Variants in APC observed in about 807,000 individuals in gnomAD.
APC encodes the protein adenomatous polyposis coli protein.
Under a neutral mutation model 247.0 loss-of-function variants are expected in APC, and 72 were observed. The ratio of observed to expected loss-of-function variants is 0.29; its 90% CI spans 0.24 to 0.35. The LOEUF is 0.35. Among genes scored for constraint, APC ranks in the 10% least tolerant of loss-of-function variants. The probability of loss-of-function intolerance (pLI) is 1.00; values close to 1 mark genes in which losing one functional copy is unlikely to be tolerated. For missense variants in APC, 3,400 were observed against 3,360.7 expected (o/e 1.01, Z -0.29); for synonymous variants, 1,254 against 1,162.5 (o/e 1.08, Z -1.60).
At chr5:112,772,003 T>A (rs868563330) in intron 4 of APC, among the ~76,000 whole-genome samples, 8 of 152,296 alleles carry the variant, frequency 5.3e-5, no homozygotes, top group African/African-American at 1.9e-4. Flanking sequence ...TAGATTTTTT[T>A]AAAGTCCTTA....
chr5:112,822,764 C>T (rs1382474968), intron 11 of APC, among the ~76,000 whole-genome samples: 1 of 152,160 alleles, frequency 6.6e-6, no homozygotes, highest in Non-Finnish European at 1.5e-5. Flanking sequence ...TAATTGTGCC[C>T]TTGCTTTTTG....
chr5:112,746,549 C>CA (rs1753704277), intron 1 of APC, among the ~76,000 whole-genome samples: 1 of 151,892 alleles, frequency 6.6e-6, no homozygotes, highest in Admixed American at 6.6e-5. Context: ...GAGGATAGGT[C>CA]AACATTCAAA....
intron 13 of APC, 116 bp from the exon 14 acceptor site, chr5:112,828,740 C>T (rs980304538): frequency 5.6e-5 from 42 of 748,628 alleles, no homozygotes; most frequent in Non-Finnish European, 8.3e-5. Flanking sequence ...TGAGTCACCA[C>T]GGCTAGCCAG....
chr5:112,815,461 A>G (rs1274089560), intron 8 of APC, 34 bp from the exon 9 acceptor site: 1 of 1,515,930 alleles, frequency 6.6e-7, no homozygotes, highest in African/African-American at 1.4e-5. Context: ...CCTATAGTCT[A>G]AATTATACCA....
rs1554088378 is a variant in APC at position 112,843,059 on chromosome 5, C to T, written c.7465C>T (p.Pro2489Ser). The T allele has an allele frequency of 6.2e-7, 1 of 1,613,940 alleles. No homozygotes were observed. The highest frequency in any genetic ancestry group is 2.2e-5 in the East Asian group (1 of 44,882). Reference sequence around the variant, plus strand: ...AACTCCAGTTTTAAGTCCTTCCCTTCCTGATATGTCTCTATCCACACATTC... The same window carrying T: ...AACTCCAGTTTTAAGTCCTTCCCTTTCTGATATGTCTCTATCCACACATTC... ...AQTPVLSPSLPDMSLSTHSSV... is the reference protein window; with the variant it reads ...AQTPVLSPSLSDMSLSTHSSV... The change falls in exon 16 of 16, where the codon CCT becomes TCT. Residue 2489 changes from proline to serine, a missense_variant. Physicochemically the swap from Pro to Ser is moderately conservative, Grantham distance 74 (BLOSUM62 -1). Transcript: ENST00000257430. The surrounding 1 kb of genome is among the most constrained non-coding windows in gnomAD (Gnocchi z 4.8).
intron 1 of APC, among the ~76,000 whole-genome samples, chr5:112,727,600 G>C (rs1268677604): frequency 6.6e-6 from 1 of 152,066 alleles, no homozygotes; most frequent in African/African-American, 2.4e-5. Context: ...GTTATAAACT[G>C]ATTTATCAGG....
Position 112,840,752 on chromosome 5 carries a change from G to A in APC, c.5158G>A (p.Glu1720Lys), listed in dbSNP as rs759882286. The change falls in exon 16 of 16, where the codon GAA becomes AAA. Residue 1720 changes from glutamate to lysine, a missense_variant. Physicochemically the swap from Glu to Lys is moderately conservative, Grantham distance 56 (BLOSUM62 1). Coordinates refer to ENST00000257430, the MANE Select transcript of APC (RefSeq NM_000038.6). This position sits in a 1 kb window ranked among gnomAD's most constrained non-coding sequence, Gnocchi z 4.1. The part of the protein sequence containing the change: ...IPELDDNKAE[E>K]GDILAECINS... ...TGAATTGGATGACAATAAAGCAGAG[G>A]AAGGTGATATTCTTGCAGAATGCAT... 5 of 1,614,078 alleles carry A rather than the reference G, an allele frequency of 3.1e-6. No individual in the cohort carries two copies. The South Asian group carries it at 5.5e-5, about 18-fold the overall frequency.
chr5:112,815,127 G>A (rs1035315736), intron 8 of APC, among the ~76,000 whole-genome samples: 24 of 152,228 alleles, frequency 1.6e-4, no homozygotes, highest in Non-Finnish European at 1.5e-4. Flanking sequence ...TTAGTTTTCT[G>A]GCAATTTGGA....
chr5:112,794,793 C>T (rs2149692208), intron 7 of APC, among the ~76,000 whole-genome samples: 1 of 152,320 alleles, frequency 6.6e-6, no homozygotes. Flanking sequence ...AAATTCCAGG[C>T]TTCCACATCC....
rs1732990972 is a variant in APC, at chr5:112,744,310, T to C, written c.-19+6385T>C. Among the ~76,000 whole-genome samples, 14 of 152,364 alleles carry C rather than the reference T, an allele frequency of 9.2e-5. No homozygotes were observed. In the South Asian group the frequency reaches 2.9e-3, roughly 32 times the overall value. On this transcript the variant is annotated intron_variant, in intron 1 of 15. Transcript: ENST00000257430. ...TTGGACATTCTCTGAACTTGTGCCC[T>C]CTCTTTCTGTTGTCTGCCCTCTGTG...
At chr5:112,716,619 C>T (rs1002935839) in intron 1 of APC, among the ~76,000 whole-genome samples, 2 of 152,004 alleles carry the variant, frequency 1.3e-5, no homozygotes, top group Admixed American at 6.5e-5. Context: ...TTTGTTTGCT[C>T]ATCAGTTACT....
At chr5:112,771,430 T>G (rs1757033935) in intron 4 of APC, among the ~76,000 whole-genome samples, 1 of 152,110 alleles carries the variant, frequency 6.6e-6, no homozygotes, top group African/African-American at 2.4e-5. Context: ...CCCATTTAGG[T>G]CTAATATGTT....
At chr5:112,782,001 T>C (rs1758402898) in intron 6 of APC, among the ~76,000 whole-genome samples, 1 of 152,216 alleles carries the variant, frequency 6.6e-6, no homozygotes, top group Non-Finnish European at 1.5e-5. Flanking sequence ...CCCAAAGTGC[T>C]AGGATTTAGA....
chr5:112,708,219 C>T (rs1051237604), intron 1 of APC, among the ~76,000 whole-genome samples: 1 of 152,192 alleles, frequency 6.6e-6, no homozygotes, highest in African/African-American at 2.4e-5. Context: ...CCATCTTCCT[C>T]GTTTGGACCC....
intron 14 of APC, among the ~76,000 whole-genome samples, chr5:112,831,555 C>T (rs1219507411): frequency 2.0e-5 from 3 of 151,886 alleles, no homozygotes; most frequent in African/African-American, 7.3e-5. Flanking sequence ...CTTTTTCATT[C>T]AATATCAATT....
At chr5:112,718,197 G>A (rs1029743905) in intron 1 of APC, among the ~76,000 whole-genome samples, 1 of 151,778 alleles carries the variant, frequency 6.6e-6, no homozygotes, top group African/African-American at 2.4e-5. Flanking sequence ...TTTTCAGTTT[G>A]TGTCTGATAA....
intron 14 of APC, among the ~76,000 whole-genome samples, chr5:112,834,358 C>T (rs1764638330): frequency 6.6e-6 from 1 of 151,532 alleles, no homozygotes; most frequent in African/African-American, 2.4e-5. Flanking sequence ...TCTCCCACCT[C>T]AGCCTCCCAA....
At chr5:112,828,746 G>T (rs1763991967) in intron 13 of APC, 110 bp from the exon 14 acceptor site, 1 of 785,620 alleles carries the variant, frequency 1.3e-6, no homozygotes, top group Non-Finnish European at 2.2e-6. Flanking sequence ...ACCACGGCTA[G>T]CCAGAATTTC....
chr5:112,738,490 T>A (rs1031013346), intron 1 of APC: 1 of 985,660 alleles, frequency 1.0e-6, no homozygotes, highest in African/African-American at 1.7e-5. Context: ...GTGGTGTTGG[T>A]TGGTGAAATA....
Sources: gnomAD v4.1 joint callset for allele counts (sites outside exome capture counted in the v4.1 genomes callset) on GRCh38, gnomAD v4.1.1 for gene constraint, Gnocchi (gnomAD v3.1) non-coding constraint, MANE v1.5 for transcripts, NCBI Gene and HGNC (gene_info 2026-07-23, HGNC 2026-07-21) for gene names.